DAB1: variants seen among roughly 807,000 people sequenced by gnomAD.
DAB1 encodes the protein disabled homolog 1.
In DAB1, 15 loss-of-function variants were observed where a neutral mutation model predicts 64.6. The ratio of observed to expected loss-of-function variants is 0.23; its 90% CI spans 0.16 to 0.36. The LOEUF (loss-of-function observed/expected upper bound fraction) is 0.36. DAB1 is among the 10% of genes least tolerant of loss of function. DAB1 has a pLI of 1.00. For synonymous variants in DAB1, 235 were observed against 251.9 expected (o/e 0.93, Z 0.64); for missense variants, 596 against 706.7 (o/e 0.84, Z 1.78).
chr1:58,284,001 T>C (rs1661625814), intron 4 of DAB1, among the ~76,000 whole-genome samples: 1 of 113,648 alleles, frequency 8.8e-6, no homozygotes, highest in African/African-American at 3.4e-5. Context: ...GGTAGATGCA[T>C]AAATAATAGA....
chr1:58,079,515 CTTTTTTTTTT>C (rs66960756), intron 5 of DAB1, among the ~76,000 whole-genome samples: 4 of 67,810 alleles, frequency 5.9e-5, no homozygotes, highest in Non-Finnish European at 1.0e-4. Context: ...AGCATACCAT[CTTTTTTTTTT>C]TTTTTTTTTT....
intron 6 of DAB1, among the ~76,000 whole-genome samples, chr1:57,674,665 T>G (rs1260173710): frequency 2.6e-4 from 40 of 152,190 alleles, no homozygotes; most frequent in Non-Finnish European, 1.0e-4. Context: ...ACTTGGCTAA[T>G]AAGGCCACTT....
chr1:57,873,848 T>C (rs914590529), intron 1 of DAB1: 4 of 152,322 alleles, frequency 2.6e-5, no homozygotes, highest in African/African-American at 9.6e-5. Flanking sequence ...CTGTATATAA[T>C]AGTATTTGCT....
intron 2 of DAB1, among the ~76,000 whole-genome samples, chr1:57,189,186 C>A (rs748690018): frequency 6.6e-6 from 1 of 152,152 alleles, no homozygotes; most frequent in African/African-American, 2.4e-5. Flanking sequence ...AATAACTTAA[C>A]GGCTGATGTT....
intron 7 of DAB1, among the ~76,000 whole-genome samples, chr1:57,616,870 A>G (rs866754992): frequency 6.8e-4 from 104 of 152,304 alleles, no homozygotes; most frequent in African/African-American, 2.3e-3. Context: ...AGGCATCAAC[A>G]GGACTAGCAG....
At chr1:57,813,958 G>C (rs1651743234) in intron 6 of DAB1, among the ~76,000 whole-genome samples, 1 of 152,124 alleles carries the variant, frequency 6.6e-6, no homozygotes, top group Non-Finnish European at 1.5e-5. Flanking sequence ...TTTCACTCTT[G>C]GTTATCCCAT....
chr1:57,852,179 C>T (rs1024007376), intron 1 of DAB1, among the ~76,000 whole-genome samples: 4 of 152,170 alleles, frequency 2.6e-5, no homozygotes, highest in Admixed American at 6.5e-5. Flanking sequence ...CCCTTTTCCC[C>T]TGAAGATCCT....
intron 1 of DAB1, among the ~76,000 whole-genome samples, chr1:57,398,936 G>T (rs371220936): frequency 6.7e-6 from 1 of 150,174 alleles, no homozygotes; most frequent in East Asian, 1.9e-4. Flanking sequence ...TTGAATGTGT[G>T]CTCTCCTGGT....
chr1:57,672,934 C>T (rs1209609023), intron 6 of DAB1, among the ~76,000 whole-genome samples: 2 of 152,074 alleles, frequency 1.3e-5, no homozygotes, highest in Non-Finnish European at 2.9e-5. Flanking sequence ...TGGGGTTGAA[C>T]CTAAGAGATG....
intron 1 of DAB1, among the ~76,000 whole-genome samples, chr1:57,295,908 T>G (rs971061386): frequency 6.6e-6 from 1 of 152,064 alleles, no homozygotes; most frequent in Non-Finnish European, 1.5e-5. Flanking sequence ...AATTCAATTT[T>G]ATGTTAAATG....
intron 1 of DAB1, among the ~76,000 whole-genome samples, chr1:57,355,951 G>T (rs1469555765): frequency 6.7e-6 from 1 of 150,340 alleles, no homozygotes; most frequent in Non-Finnish European, 1.5e-5. Context: ...ATTTTAAATT[G>T]CAACCTAATT....
In DAB1 at chr1:57,828,187, CG is replaced by C. The variant is rs1273826531; in HGVS notation, n.88-1733del. Among the ~76,000 whole-genome samples the C allele has an allele frequency of 3.9e-5, 6 of 152,204 alleles. No individual in the cohort carries two copies. The East Asian group carries it at 7.8e-4, about 20-fold the overall frequency. On this transcript the variant is annotated intron_variant and non_coding_transcript_variant, in intron 1 of 1. Transcript: ENST00000477280. ...GTCTCGATCTCCTGACCTTGTGATCCGCCCGCCTCCGCCTTCCAAAGTGCTG... is the reference window on the plus strand; with the variant it reads ...GTCTCGATCTCCTGACCTTGTGATCCCCCGCCTCCGCCTTCCAAAGTGCTG...
chr1:58,442,188 C>T (rs972326745), intron 3 of DAB1, among the ~76,000 whole-genome samples: 13 of 152,148 alleles, frequency 8.5e-5, no homozygotes, highest in Non-Finnish European at 1.8e-4. Context: ...TGCATGAATG[C>T]ACATGTGAAC....
Position 57,606,189 on chromosome 1 carries a change from G to A in DAB1, n.625+43403C>T, listed in dbSNP as rs892002292. ...CCTCCGGCTCCATGAGTGTTTTTCC[G>A]GTATTTTTAAAAGTCATGGAAGCTG... On this transcript the variant is annotated intron_variant and non_coding_transcript_variant, in intron 7 of 20. Transcript: ENST00000485760. 7 of 253,470 alleles carry A rather than the reference G, an allele frequency of 2.8e-5. 1 individual carries two copies. The highest frequency in any genetic ancestry group is 1.3e-4 in the South Asian group (3 of 22,882). 15.7% of individuals were successfully genotyped at this position (253,470 alleles called of 1,614,324 possible).
At chr1:57,136,506 A>G (rs1333962323) in intron 4 of DAB1, 37 bp downstream of exon 4, 1 of 1,277,346 alleles carries the variant, frequency 7.8e-7, no homozygotes, top group Admixed American at 2.1e-5. Context: ...CTGTCAATGG[A>G]TAAAATTTCA....
intron 3 of DAB1, among the ~76,000 whole-genome samples, chr1:58,483,479 A>G (rs1645523942): frequency 6.6e-6 from 1 of 152,206 alleles, no homozygotes; most frequent in African/African-American, 2.4e-5. Context: ...TTACCAAGGT[A>G]AGCTGGAGAG....
intron 1 of DAB1, among the ~76,000 whole-genome samples, chr1:57,419,364 A>C (rs1684727695): frequency 6.6e-6 from 1 of 152,170 alleles, no homozygotes; most frequent in Non-Finnish European, 1.5e-5. Flanking sequence ...TCTAGAATTC[A>C]ATCAAAGTCA....
At chr1:57,071,097 G>T (rs1651414101) in intron 6 of DAB1, 36 bp from the exon 7 acceptor site, 9 of 1,590,424 alleles carry the variant, frequency 5.7e-6, no homozygotes, top group African/African-American at 1.3e-5. Context: ...GTGAAAAGCA[G>T]AGGACATAAA....
intron 7 of DAB1, among the ~76,000 whole-genome samples, chr1:57,587,120 A>C (rs1297201067): frequency 1.3e-5 from 2 of 152,176 alleles, no homozygotes; most frequent in Admixed American, 1.3e-4. Flanking sequence ...TTCCCAAATG[A>C]ATTCTATCAC....
Sources: gnomAD v4.1 joint callset for allele counts (sites outside exome capture counted in the v4.1 genomes callset) on GRCh38, gnomAD v4.1.1 for gene constraint, MANE v1.5 for transcripts, NCBI Gene and HGNC (gene_info 2026-07-23, HGNC 2026-07-21) for gene names.